Variants in FABP4 observed in about 807,000 individuals in gnomAD.
FABP4 encodes fatty acid binding protein 4, also known as fatty acid-binding protein, adipocyte.
In FABP4, 17 loss-of-function variants were observed where a neutral mutation model predicts 14.6. The observed-to-expected ratio is 1.16, with a 90% CI of 0.80 to 1.74. FABP4 has a LOEUF of 1.74. Among genes scored for constraint, FABP4 ranks in the 40% most tolerant of loss-of-function variants. FABP4 has a pLI of 0.00. For synonymous variants in FABP4, 54 were observed against 54.6 expected (o/e 0.99, Z 0.05); for missense variants, 149 against 160.3 (o/e 0.93, Z 0.38).
intron 1 of FABP4, among the ~76,000 whole-genome samples, chr8:81,482,391 A>G (rs1209075099): frequency 1.3e-5 from 2 of 152,184 alleles, no homozygotes; most frequent in East Asian, 1.9e-4. Context: ...AGAGACATTC[A>G]TCCAATGACA....
chr8:81,482,958 T>C, intron 1 of FABP4, 137 bp downstream of exon 1: 4 of 545,092 alleles, frequency 7.3e-6, no homozygotes, highest in African/African-American at 1.9e-5. Context: ...ACTTGCTATG[T>C]GTGCAGCCTC....
intron 2 of FABP4, 154 bp from the exon 3 acceptor site, chr8:81,479,669 C>G: frequency 1.8e-6 from 1 of 551,808 alleles, no homozygotes; most frequent in Non-Finnish European, 3.2e-6. Context: ...GTCTCAAAAA[C>G]AACAACATAA....
chr8:81,480,683 G>A (rs60855359), intron 1 of FABP4, 85 bp from the exon 2 acceptor site: 174,024 of 1,199,282 alleles, frequency 0.15, 13,231 homozygotes, highest in Middle Eastern at 0.18. Flanking sequence ...GTGCACACAG[G>A]TGCATGTGCA....
rs1281026345 is a variant in FABP4 at position 81,483,120 on chromosome 8, G to A, written c.48C>T (p.Asn16=). The A allele has an allele frequency of 1.2e-6, 2 of 1,609,036 alleles. No homozygotes were observed. Among genetic ancestry groups the A allele is most frequent in the South Asian group, 1.1e-5 (1 of 89,828 alleles). Residue 16 remains asparagine, a synonymous_variant, in exon 1 of 4, where the codon AAC becomes AAT. Transcript: ENST00000256104. Reference sequence around the variant, plus strand: ...CTACTTCTTTCATATAATCATCAAAGTTTTCACTGGAGACAAGTTTCCAGG... The same window carrying A: ...CTACTTCTTTCATATAATCATCAAAATTTTCACTGGAGACAAGTTTCCAGG... ...VGTWKLVSSE[N]FDDYMKEVGV...
intron 1 of FABP4, among the ~76,000 whole-genome samples, chr8:81,482,331 G>A (rs1563528652): frequency 6.6e-6 from 1 of 152,168 alleles, no homozygotes; most frequent in Admixed American, 6.6e-5. Flanking sequence ...CAAAGTAGAA[G>A]CTGCCTGAGT....
At chr8:81,482,412 T>G (rs994542339) in intron 1 of FABP4, among the ~76,000 whole-genome samples, 3 of 152,160 alleles carry the variant, frequency 2.0e-5, no homozygotes, top group Non-Finnish European at 4.4e-5. Context: ...TGCTGACAGT[T>G]AACAGCGTCT....
chr8:81,482,810 G>C (rs1164722169), intron 1 of FABP4, among the ~76,000 whole-genome samples: 1 of 152,110 alleles, frequency 6.6e-6, no homozygotes, highest in East Asian at 1.9e-4. Context: ...GGATACCCAA[G>C]TTTTTCAAAT....
In FABP4 at chr8:81,478,844, T is replaced by C; in HGVS notation, c.*21A>G. 1 of 1,609,504 alleles carries C rather than the reference T, an allele frequency of 6.2e-7. No homozygotes were observed. The highest frequency in any genetic ancestry group is 8.5e-7 in the Non-Finnish European group (1 of 1,176,700). On this transcript the variant is annotated 3_prime_UTR_variant, in exon 4 of 4. Coordinates refer to ENST00000256104, the MANE Select transcript of FABP4 (RefSeq NM_001442.3). ...TTGTAGAGTTCAATGCGAACTTCAG[T>C]CCAGGTCAACGTCCCTTGGCTTATG...
chr8:81,479,421 A>T lies in FABP4; in HGVS notation c.341T>A (p.Leu114Gln). The change falls in exon 3 of 4, where the codon CTG becomes CAG. Residue 114 changes from leucine (L) to glutamine (Q), a missense_variant. Coordinates refer to ENST00000256104, the MANE Select transcript of FABP4 (RefSeq NM_001442.3). ...TIKRKREDDKLVVECVMKGVT... is the reference protein window; with the variant it reads ...TIKRKREDDKQVVECVMKGVT... ...TAGCTAGAAGATACTCACCACCACCAGTTTATCATCCTCTCGTTTTCTCTT... is the reference window on the plus strand; with the variant it reads ...TAGCTAGAAGATACTCACCACCACCTGTTTATCATCCTCTCGTTTTCTCTT... 1 of 1,612,524 alleles carries T rather than the reference A, an allele frequency of 6.2e-7. No homozygotes were observed. Among genetic ancestry groups the T allele is most frequent in the Non-Finnish European group, 8.5e-7 (1 of 1,178,734 alleles).
intron 2 of FABP4, chr8:81,480,013 GC>G (rs78175878): frequency 0.19 from 30,066 of 162,318 alleles, 4,277 homozygotes; most frequent in East Asian, 0.67. Flanking sequence ...TTCGAGACCA[GC>G]CTGGGCAACA....
intron 3 of FABP4, 146 bp downstream of exon 3, chr8:81,479,268 C>G: frequency 1.5e-6 from 1 of 688,268 alleles, no homozygotes. Flanking sequence ...GCATGAAGGG[C>G]AAATGCCAGA....
In FABP4 at chr8:81,478,573, A is replaced by G. The variant is rs1808005778; in HGVS notation, c.*292T>C. 3.8e-6 allele frequency: 1 copy of G among 265,210 alleles called. No homozygotes were observed. The highest frequency in any genetic ancestry group is 5.0e-5 in the Admixed American group (1 of 20,134). 16.4% of individuals were successfully genotyped at this position (265,210 alleles called of 1,614,324 possible). ...ATATCCCTTTTTACCTTGAATTATT[A>G]TGAAATATGTTATTATTCATATCAG... On this transcript the variant is annotated 3_prime_UTR_variant, in exon 4 of 4. Transcript: ENST00000256104.
chr8:81,480,343 T>A, intron 2 of FABP4, 83 bp downstream of exon 2: 1 of 1,325,480 alleles, frequency 7.5e-7, no homozygotes, highest in Non-Finnish European at 1.0e-6. Flanking sequence ...ATGGTGTTCC[T>A]CCTTTTATCA....
At chr8:81,481,472 C>T (rs931705050) in intron 1 of FABP4, among the ~76,000 whole-genome samples, 2 of 152,134 alleles carry the variant, frequency 1.3e-5, no homozygotes, top group Non-Finnish European at 2.9e-5. Flanking sequence ...GAATAATTTA[C>T]AGCCTAACAT....
intron 2 of FABP4, among the ~76,000 whole-genome samples, chr8:81,480,148 G>A (rs187569467): frequency 7.2e-5 from 11 of 152,286 alleles, no homozygotes; most frequent in Non-Finnish European, 1.3e-4. Flanking sequence ...ATTCGAGGCT[G>A]TAGTGAGCTA....
In FABP4 at chr8:81,480,435, C is replaced by A; in HGVS notation, c.237G>T (p.Arg79Ser). The A allele has an allele frequency of 3.1e-6, 5 of 1,613,322 alleles. No individual in the cohort carries two copies. The highest frequency in any genetic ancestry group is 4.2e-6 in the Non-Finnish European group (5 of 1,179,528). ...QEFDEVTADD[R>S]KVKSTITLDG... ...CTTCCTTATTTCTCACCTTGACTTT[C>A]CTGTCATCTGCAGTGACTTCGTCAA... Residue 79 changes from arginine to serine, a missense_variant, in exon 2 of 4, where the codon AGG becomes AGT. Physicochemically the swap from Arg to Ser is moderately radical, Grantham distance 110. Transcript: ENST00000256104.
intron 1 of FABP4, among the ~76,000 whole-genome samples, chr8:81,482,504 T>C (rs1187158264): frequency 1.3e-5 from 2 of 152,240 alleles, no homozygotes; most frequent in African/African-American, 4.8e-5. Flanking sequence ...GATAATTCTA[T>C]GGCATACTAT....
chr8:81,482,422 T>A (rs1808093804), intron 1 of FABP4, among the ~76,000 whole-genome samples: 1 of 152,118 alleles, frequency 6.6e-6, no homozygotes, highest in Admixed American at 6.6e-5. Flanking sequence ...TAACAGCGTC[T>A]AAAAAATTAA....
chr8:81,480,976 T>C (rs1808071103), intron 1 of FABP4, among the ~76,000 whole-genome samples: 1 of 152,184 alleles, frequency 6.6e-6, no homozygotes, highest in Non-Finnish European at 1.5e-5. Context: ...GTTATTTTTC[T>C]CTCTTAATAA....
Sources: gnomAD v4.1 joint callset for allele counts (sites outside exome capture counted in the v4.1 genomes callset) on GRCh38, gnomAD v4.1.1 for gene constraint, MANE v1.5 for transcripts, NCBI Gene and HGNC (gene_info 2026-07-23, HGNC 2026-07-21) for gene names.